COL4A5: variants seen among roughly 807,000 people sequenced by gnomAD.
COL4A5 encodes collagen type IV alpha 5 chain.
COL4A5 carries 26 observed loss-of-function variants against 130.2 expected under a neutral mutation model. The observed-to-expected ratio is 0.20, with a 90% confidence interval of 0.15 to 0.28. COL4A5 has a LOEUF of 0.28. COL4A5 is among the 10% of genes least tolerant of loss of function. The pLI is 1.00. For missense variants in COL4A5, 1,131 were observed against 1,344.3 expected, an observed-to-expected ratio of 0.84 and a Z score of 2.48; for synonymous variants, 496 against 439.6, an observed-to-expected ratio of 1.13 and a Z score of -1.60.
intron 1 of COL4A5, among the ~76,000 whole-genome samples, chrX:108,538,256 G>C (rs1312739533): frequency 8.9e-6 from 1 of 111,956 alleles, no homozygotes; most frequent in Non-Finnish European, 1.9e-5. Context: ...GAGTAAGTCT[G>C]AATAAGCCTA....
At chrX:108,583,055 T>G in intron 17 of COL4A5, 118 bp downstream of exon 17, 1 of 576,078 alleles carries the variant, frequency 1.7e-6, no homozygotes, top group Non-Finnish European at 3.0e-6. Flanking sequence ...ATATTCAAAA[T>G]ATGCCTTCTT....
intron 36 of COL4A5, among the ~76,000 whole-genome samples, chrX:108,649,347 A>G (rs1298063132): frequency 9.0e-6 from 1 of 111,465 alleles, no homozygotes; most frequent in Non-Finnish European, 1.9e-5. Context: ...CAGTCTACAA[A>G]TTTGACACAA....
chrX:108,648,714 C>T (rs113108945), intron 36 of COL4A5, among the ~76,000 whole-genome samples: 139 of 111,249 alleles, frequency 1.2e-3, no homozygotes, highest in African/African-American at 4.0e-3. Flanking sequence ...AAACTCTCAG[C>T]GAAGTCAGCA....
chrX:108,572,450 A>G (rs2066079576), intron 8 of COL4A5, among the ~76,000 whole-genome samples: 1 of 111,346 alleles, frequency 9.0e-6, no homozygotes. Flanking sequence ...TCATATCTCA[A>G]ATTTGCATCT....
intron 37 of COL4A5, among the ~76,000 whole-genome samples, chrX:108,665,054 T>A (rs1459517648): frequency 8.9e-6 from 1 of 112,179 alleles, no homozygotes; most frequent in Non-Finnish European, 1.9e-5. Flanking sequence ...ATACCTAAGA[T>A]AAATTAAGGC....
Position 108,628,689 on chromosome X carries a change from A to C in COL4A5, c.3246+2340A>C, listed in dbSNP as rs1303282141. On this transcript the variant is annotated intron_variant, in intron 36 of 52. Transcript: ENST00000328300. ...ATATTTGTTGCAAATATTTTCTCCC[A>C]GTCAGTTGTTTGTCTTATAGCATGT... Among the ~76,000 whole-genome samples the C allele has an allele frequency of 5.4e-5, 6 of 112,026 alleles. No homozygotes were observed. In the South Asian group the frequency reaches 1.5e-3, roughly 27 times the overall value.
chrX:108,573,143 A>G (rs1172044968), intron 8 of COL4A5, among the ~76,000 whole-genome samples: 1 of 107,592 alleles, frequency 9.3e-6, no homozygotes. Flanking sequence ...CAATTATTGT[A>G]CCATGTTATT....
intron 36 of COL4A5, among the ~76,000 whole-genome samples, chrX:108,646,896 T>C (rs924075067): frequency 1.9e-4 from 21 of 109,573 alleles, no homozygotes; most frequent in African/African-American, 6.1e-4. Context: ...GTTGTAGATA[T>C]GCGGCATTAT....
rs368359594 is a variant in COL4A5 at position 108,680,937 on chromosome X, G to A, written c.4068G>A (p.Pro1356=). 5.6e-5 allele frequency: 67 copies of A among 1,205,663 alleles called. No individual in the cohort carries two copies. The highest frequency in any genetic ancestry group is 7.2e-5 in the Non-Finnish European group (64 of 891,679). The change falls in exon 46 of 53, where the codon CCG becomes CCA. Residue 1356 remains proline (P), a synonymous_variant. Transcript: ENST00000328300. ...VPGSAGPEGE[P]GLIGPPGPPG... is the part of the protein sequence containing the mutation. ...GATCAGCTGGCCCTGAGGGGGAACC[G>A]GGACTTATTGGTCCTCCAGGTAAGA...
At position 108,668,315 on chromosome X, in the gene COL4A5, A is replaced by T; in HGVS notation, c.3605-4A>T. ...TATCTTCTAATTATACTTTACTTTC[A>T]TAGGCCAAAAGGGTGATGGAGGATT... is the stretch of plus-strand genomic sequence containing the variant. On this transcript the variant is annotated splice_polypyrimidine_tract_variant and splice_region_variant and intron_variant, in intron 40 of 52. Transcript: ENST00000328300. 8.3e-7 allele frequency: 1 copy of T among 1,208,598 alleles called. No homozygotes were observed. Among genetic ancestry groups the T allele is most frequent in the Non-Finnish European group, 1.1e-6 (1 of 893,130 alleles).
intron 19 of COL4A5, among the ~76,000 whole-genome samples, chrX:108,588,024 A>C (rs1379353815): frequency 9.0e-6 from 1 of 111,250 alleles, no homozygotes; most frequent in Non-Finnish European, 1.9e-5. Context: ...ATTTTGTTAT[A>C]CAATAAAATC....
intron 1 of COL4A5, among the ~76,000 whole-genome samples, chrX:108,522,254 A>G: frequency 9.1e-6 from 1 of 109,882 alleles, no homozygotes; most frequent in East Asian, 2.8e-4. Context: ...ACTCTTATAA[A>G]TAATGATGCT....
chrX:108,672,110 G>A (rs1037173498), intron 42 of COL4A5, among the ~76,000 whole-genome samples: 2 of 111,852 alleles, frequency 1.8e-5, no homozygotes, highest in Non-Finnish European at 3.8e-5. Context: ...CAAAAGCTCC[G>A]TCAACACCTC....
intron 25 of COL4A5, among the ~76,000 whole-genome samples, chrX:108,599,603 A>G (rs1231810586): frequency 9.0e-6 from 1 of 111,634 alleles, no homozygotes; most frequent in African/African-American, 3.3e-5. Flanking sequence ...ATAGATCCCT[A>G]TATCTCCTTG....
chrX:108,656,941 C>A (rs2067854400), intron 37 of COL4A5, among the ~76,000 whole-genome samples: 1 of 111,205 alleles, frequency 9.0e-6, no homozygotes, highest in South Asian at 3.7e-4. Context: ...CAAATCTATT[C>A]TCTGTGCCTC....
intron 1 of COL4A5, among the ~76,000 whole-genome samples, chrX:108,474,891 A>G (rs1362278594): frequency 9.0e-6 from 1 of 111,620 alleles, no homozygotes; most frequent in Non-Finnish European, 1.9e-5. Flanking sequence ...GCCTTTGTCA[A>G]AAATCAACTG....
chrX:108,573,849 T>C (rs1219762715), intron 9 of COL4A5, among the ~76,000 whole-genome samples, 195 bp downstream of exon 9: 2 of 111,535 alleles, frequency 1.8e-5, no homozygotes, highest in Admixed American at 1.9e-4. Context: ...GGCTTCATTC[T>C]TTTGCCTTTC....
chrX:108,578,080 G>C lies in COL4A5; in HGVS notation c.648G>C (p.Gly216=), dbSNP rs746001842. 1 of 1,210,021 alleles carries C rather than the reference G, an allele frequency of 8.3e-7. No homozygotes were observed. Among genetic ancestry groups the C allele is most frequent in the East Asian group, 3.0e-5 (1 of 33,797 alleles). The change falls in exon 12 of 53, where the codon GGG becomes GGC. Residue 216 remains glycine, a splice_region_variant and synonymous_variant. Coordinates refer to ENST00000328300, the MANE Select transcript of COL4A5 (RefSeq NM_033380.3). ...PGPPGLPGPK[G]NMGLNFQGPK... is the part of the protein sequence containing the mutation. ...TAAATGGAAACTTCTCTCTCCAGGG[G>C]AATATGGGCTTAAATTTCCAGGGAC...
intron 36 of COL4A5, among the ~76,000 whole-genome samples, chrX:108,644,823 C>A (rs2067540491): frequency 9.3e-6 from 1 of 107,159 alleles, no homozygotes; most frequent in East Asian, 2.9e-4. Context: ...TCACTTGAAC[C>A]CGGGAGGCGG....
Sources: allele counts gnomAD v4.1 joint callset (sites outside exome capture counted in the v4.1 genomes callset), GRCh38; gene constraint gnomAD v4.1.1; transcripts MANE v1.5; gene names NCBI Gene and HGNC (gene_info 2026-07-23, HGNC 2026-07-21).